The following PLEKHM1 variants were observed in gnomAD, a reference collection of about 807,000 sequenced individuals.
The protein encoded by PLEKHM1 is pleckstrin homology and RUN domain containing M1.
A neutral mutation model predicts 94.3 loss-of-function variants in PLEKHM1; 28 were observed. That is an observed-to-expected ratio of 0.30 (90% CI 0.22 to 0.41). PLEKHM1 has a LOEUF of 0.41. Among genes scored for constraint, PLEKHM1 ranks in the 10% least tolerant of loss-of-function variants. The pLI, the probability that PLEKHM1 is intolerant of heterozygous loss-of-function variation, is 1.00. For synonymous variants in PLEKHM1, 424 were observed against 581.2 expected (o/e 0.73, Z 3.89); for missense variants, 907 against 1,358.6 (o/e 0.67, Z 5.22).
chr17:45,453,154 C>G lies in PLEKHM1; in HGVS notation c.2497+201G>C. On this transcript the variant is annotated intron_variant, in intron 7 of 11. Transcript: ENST00000430334. The surrounding 1 kb of genome is among the most constrained non-coding windows in gnomAD (Gnocchi z 4.1). ...GAGAGGGACGGGTGAGCAGGGCCCA[C>G]TGCCTATGAGCAGGGCACTGGCCCC... 1.6e-6 allele frequency: 1 copy of G among 633,042 alleles called. No individual in the cohort carries two copies. 39.2% of individuals were successfully genotyped at this position (633,042 alleles called of 1,614,324 possible).
chr17:45,435,523 T>C (rs1392122247), downstream of PLEKHM1, among the ~76,000 whole-genome samples: 1 of 152,230 alleles, frequency 6.6e-6, no homozygotes, highest in African/African-American at 2.4e-5. Context: ...CTGAGAAATG[T>C]CCCCTGTATC....
chr17:45,457,810 G>A (rs1357114181), intron 6 of PLEKHM1, among the ~76,000 whole-genome samples: 4 of 152,174 alleles, frequency 2.6e-5, no homozygotes, highest in Non-Finnish European at 4.4e-5. Context: ...GGGTAAACAC[G>A]TTTGGAAGGA....
chr17:45,455,884 C>A (rs1166666056), intron 6 of PLEKHM1, among the ~76,000 whole-genome samples: 1 of 152,214 alleles, frequency 6.6e-6, no homozygotes, highest in African/African-American at 2.4e-5. Flanking sequence ...CGGCCATCTC[C>A]CTTAGCTGAA....
Position 45,457,560 on chromosome 17 carries a change from C to CA in PLEKHM1, c.1579+608dup, listed in dbSNP as rs562466401. 3.5e-3 allele frequency among the ~76,000 whole-genome samples: 447 copies of CA among 126,938 alleles called. 1 individual carries two copies. The highest frequency in any genetic ancestry group is 9.8e-3 in the East Asian group (44 of 4,490). 83.3% of individuals were successfully genotyped at this position (126,938 alleles called of 152,430 possible). A position where few individuals can be genotyped will look rare whatever the true frequency, so the allele number is the denominator to read the frequency against. ...GGGCAACAAAAGGGAAACTCCACCT[C>CA]AAAAAAAAAAAAAAATTAGCCAGGT... On this transcript the variant is annotated intron_variant, in intron 6 of 11. Coordinates refer to ENST00000430334, the MANE Select transcript of PLEKHM1 (RefSeq NM_014798.3).
In PLEKHM1 at chr17:45,468,565, C is replaced by T. The variant is rs200027789; in HGVS notation, c.952G>A (p.Val318Ile). 6.2e-7 allele frequency: 1 copy of T among 1,614,208 alleles called. No individual in the cohort carries two copies. The highest frequency in any genetic ancestry group is 8.5e-7 in the Non-Finnish European group (1 of 1,180,036). Residue 318 changes from valine (V) to isoleucine (I), a missense_variant, in exon 5 of 12, where the codon GTA becomes ATA. Physicochemically the swap from Val to Ile is conservative, Grantham distance 29. Around this residue, in one of 3 missense-constraint regions of PLEKHM1, gnomAD observed 477 missense variants for 601.5 expected, o/e 0.79. Coordinates refer to ENST00000430334, the MANE Select transcript of PLEKHM1 (RefSeq NM_014798.3). ...EVLLEFSKAQ[V>I]NSVPTNGLSQ... ...AGTCCGTTGGTTGGCACAGAGTTTA[C>T]CTGGGCTTTGCTGAATTCCAACAAT... is the stretch of plus-strand genomic sequence containing the variant.
chr17:45,479,441 T>C (rs55925547), intron 2 of PLEKHM1, among the ~76,000 whole-genome samples: 23,664 of 148,986 alleles, frequency 0.16, 2,071 homozygotes, highest in Middle Eastern at 0.24. Context: ...TGGCGTGAAC[T>C]CAGGAGGCGG....
intron 11 of PLEKHM1, 70 bp downstream of exon 11, chr17:45,439,407 G>A (rs572863732): frequency 1.1e-5 from 17 of 1,552,056 alleles, no homozygotes; most frequent in East Asian, 9.0e-5. Context: ...GCTGCCCTGC[G>A]TGCTTGGGCC....
chr17:45,475,166 T>A lies in PLEKHM1; in HGVS notation c.857A>T (p.Glu286Val). ...CAGGTCTGAGTCACAGGACATGGGCTCCTCGCAATGGTCTGGACTCTTGGA... is the reference window on the plus strand; with the variant it reads ...CAGGTCTGAGTCACAGGACATGGGCACCTCGCAATGGTCTGGACTCTTGGA... ...NGSKSPDHCE[E>V]PMSCDSDLGT... The change falls in exon 4 of 12, where the codon GAG (glutamate) becomes GTG (valine). Residue 286 changes from glutamate to valine, a missense_variant. Glu to Val is a moderately radical substitution (Grantham distance 121, BLOSUM62 -2). Around this residue, in one of 3 missense-constraint regions of PLEKHM1, gnomAD observed 477 missense variants for 601.5 expected, o/e 0.79. Coordinates refer to ENST00000430334, the MANE Select transcript of PLEKHM1 (RefSeq NM_014798.3). 1 of 1,613,996 alleles carries A rather than the reference T, an allele frequency of 6.2e-7. No individual in the cohort carries two copies. Among genetic ancestry groups the A allele is most frequent in the Non-Finnish European group, 8.5e-7 (1 of 1,179,870 alleles).
intron 1 of PLEKHM1, among the ~76,000 whole-genome samples, chr17:45,488,677 G>A (rs373486150): frequency 1.4e-4 from 21 of 152,186 alleles, no homozygotes; most frequent in Admixed American, 3.9e-4. Flanking sequence ...GGCGGCTCAC[G>A]CCCGTAATCC....
chr17:45,460,719 A>G (rs2051126847), intron 5 of PLEKHM1, among the ~76,000 whole-genome samples: 1 of 152,068 alleles, frequency 6.6e-6, no homozygotes. Flanking sequence ...CAGCATGCCC[A>G]GCAAATTTTT....
intron 5 of PLEKHM1, among the ~76,000 whole-genome samples, chr17:45,465,499 A>G (rs1181455971): frequency 9.2e-5 from 14 of 152,052 alleles, no homozygotes; most frequent in Admixed American, 2.0e-4. Context: ...ACTTGAGGCC[A>G]GGAGTTTGAG....
chr17:45,441,874 C>T (rs1261202327), intron 9 of PLEKHM1, among the ~76,000 whole-genome samples: 4 of 152,122 alleles, frequency 2.6e-5, no homozygotes, highest in Admixed American at 6.5e-5. Flanking sequence ...GGAATCTGGA[C>T]GGCTCTCCGG....
At position 45,436,734 on chromosome 17, in the gene PLEKHM1, G is replaced by A. The variant is rs893553196; in HGVS notation, c.*1124C>T. 1.0e-4 allele frequency: 47 copies of A among 453,994 alleles called. No individual in the cohort carries two copies. Among genetic ancestry groups the A allele is most frequent in the African/African-American group, 8.0e-4 (40 of 50,004 alleles). 28.1% of individuals were successfully genotyped at this position (453,994 alleles called of 1,614,324 possible). ...GAACTTCTTCAGTCTCCAGTGTCCC[G>A]GCTGGGCAAGTTCAGTGATGCTTTG... On this transcript the variant is annotated 3_prime_UTR_variant, in exon 12 of 12. Transcript: ENST00000430334.
At chr17:45,463,885 A>AT (rs2051235120) in intron 5 of PLEKHM1, 1 of 152,318 alleles carries the variant, frequency 6.6e-6, no homozygotes, top group South Asian at 2.1e-4. Flanking sequence ...ATGACACCAT[A>AT]TACAACAGCT....
chr17:45,440,440 C>T, intron 9 of PLEKHM1: 1 of 618,828 alleles, frequency 1.6e-6, no homozygotes, highest in Non-Finnish European at 2.9e-6. Context: ...GTTACTTAAC[C>T]TCTCTGAACC....
chr17:45,460,785 C>T (rs2051128681), intron 5 of PLEKHM1, among the ~76,000 whole-genome samples: 1 of 152,234 alleles, frequency 6.6e-6, no homozygotes, highest in Non-Finnish European at 1.5e-5. Flanking sequence ...TCTTGCACTC[C>T]TGGACTCAAG....
chr17:45,489,270 G>A (rs1353709650), intron 1 of PLEKHM1, among the ~76,000 whole-genome samples: 1 of 152,162 alleles, frequency 6.6e-6, no homozygotes, highest in Non-Finnish European at 1.5e-5. Context: ...GTTGCCTCTG[G>A]CACCCATCAT....
intron 2 of PLEKHM1, among the ~76,000 whole-genome samples, chr17:45,479,737 AGAGCT>A (rs2051884223): frequency 6.7e-6 from 1 of 150,152 alleles, no homozygotes; most frequent in African/African-American, 2.4e-5. Flanking sequence ...TATATATAAA[AGAGCT>A]GAGTGTGGCA....
chr17:45,457,372 T>C (rs1486095657), intron 6 of PLEKHM1, among the ~76,000 whole-genome samples: 1 of 151,830 alleles, frequency 6.6e-6, no homozygotes, highest in Non-Finnish European at 1.5e-5. Context: ...GAGACCAGCC[T>C]AACCAATTTC....
Sources: gnomAD v4.1 joint callset for allele counts (sites outside exome capture counted in the v4.1 genomes callset) on GRCh38, gnomAD v4.1.1 for gene constraint, gnomAD v4.1.1 regional missense constraint, Gnocchi (gnomAD v3.1) non-coding constraint, MANE v1.5 for transcripts, NCBI Gene and HGNC (gene_info 2026-07-23, HGNC 2026-07-21) for gene names.